RBFOX3: variants seen among roughly 807,000 people sequenced by gnomAD.
RBFOX3 encodes RNA binding protein fox-1 homolog 3.
A neutral mutation model predicts 48.7 loss-of-function variants in RBFOX3; 17 were observed. The observed-to-expected ratio is 0.35, with a 90% CI of 0.24 to 0.52. The LOEUF (loss-of-function observed/expected upper bound fraction) is 0.52. RBFOX3 is among the 20% of genes least tolerant of loss of function. The probability of loss-of-function intolerance (pLI) is 0.94; values close to 1 mark genes in which losing one functional copy is unlikely to be tolerated. For missense variants in RBFOX3, 382 were observed against 497.5 expected (o/e 0.77, Z 2.21); for synonymous variants, 212 against 209.5 (o/e 1.01, Z -0.10).
chr17:79,370,231 C>T (rs1418821238), intron 2 of RBFOX3, among the ~76,000 whole-genome samples: 2 of 152,204 alleles, frequency 1.3e-5, no homozygotes, highest in Non-Finnish European at 2.9e-5. Context: ...AGATAGATTC[C>T]CCAAGGAAGC....
At chr17:79,407,418 C>T (rs138294759) in intron 2 of RBFOX3, among the ~76,000 whole-genome samples, 2 of 152,380 alleles carry the variant, frequency 1.3e-5, no homozygotes, top group East Asian at 3.9e-4. Flanking sequence ...TTAAAAGAGG[C>T]TTCCCCTGGG....
At chr17:79,235,720 A>G (rs1056112875) in intron 4 of RBFOX3, 46 bp downstream of exon 4, 2 of 153,772 alleles carry the variant, frequency 1.3e-5, no homozygotes, top group African/African-American at 4.8e-5. Flanking sequence ...CAACATGCTC[A>G]TATCTGTCAA....
chr17:79,655,021 G>A, the RBFOX3 span, among the ~76,000 whole-genome samples: 2,202 of 152,300 alleles, frequency 0.014, 51 homozygotes, highest in African/African-American at 0.05. Flanking sequence ...CATGCCATTA[G>A]CACGAGTCTG....
intron 4 of RBFOX3, among the ~76,000 whole-genome samples, chr17:79,226,967 T>G (rs1344652352): frequency 6.6e-6 from 1 of 152,214 alleles, no homozygotes; most frequent in Non-Finnish European, 1.5e-5. Context: ...CTAAGCATTC[T>G]GGGCAGGGAC....
intron 4 of RBFOX3, among the ~76,000 whole-genome samples, chr17:79,150,138 C>T (rs1371563251): frequency 6.7e-6 from 1 of 150,050 alleles, no homozygotes; most frequent in Non-Finnish European, 1.5e-5. Context: ...GGAGGGGCAA[C>T]CAGGAGCTGC....
At chr17:79,414,302 T>C (rs1302995234) in intron 2 of RBFOX3, among the ~76,000 whole-genome samples, 1 of 152,138 alleles carries the variant, frequency 6.6e-6, no homozygotes, top group Non-Finnish European at 1.5e-5. Context: ...CTATTAAAAA[T>C]AGATTGGCCA....
At chr17:79,550,075 G>C (rs2090985500) in intron 1 of RBFOX3, among the ~76,000 whole-genome samples, 1 of 152,132 alleles carries the variant, frequency 6.6e-6, no homozygotes, top group South Asian at 2.1e-4. Flanking sequence ...TCCATTTTCT[G>C]AGGTCTACAC....
chr17:79,138,581 TGTATGGTGA>T (rs2040828191), intron 4 of RBFOX3, among the ~76,000 whole-genome samples: 6 of 150,534 alleles, frequency 4.0e-5, no homozygotes, highest in Non-Finnish European at 5.9e-5. Flanking sequence ...ACATTACACC[TGTATGGTGA>T]TGCAACCCCT....
rs929468446 is a variant in RBFOX3, at chr17:79,471,255, C to T, written c.-175+11199G>A. ...ATCGTGGCTCTCAGCTCATGGAAAG[C>T]GGGGTACGTGACCAGCACTGGCCAG... On this transcript the variant is annotated intron_variant, in intron 2 of 14. Coordinates refer to ENST00000693108, the MANE Select transcript of RBFOX3 (RefSeq NM_001350451.2). The surrounding 1 kb of genome is among the most constrained non-coding windows in gnomAD (Gnocchi z 4.0). 1.3e-5 allele frequency among the ~76,000 whole-genome samples: 2 copies of T among 152,094 alleles called. No individual in the cohort carries two copies. The highest frequency in any genetic ancestry group is 6.5e-5 in the Admixed American group (1 of 15,270).
intron 4 of RBFOX3, among the ~76,000 whole-genome samples, chr17:79,134,807 G>A (rs1002697125): frequency 6.6e-6 from 1 of 152,206 alleles, no homozygotes; most frequent in African/African-American, 2.4e-5. Flanking sequence ...AGCCACCGGT[G>A]GACACTGGCA....
intron 1 of RBFOX3, among the ~76,000 whole-genome samples, chr17:79,496,583 C>A (rs1398356976): frequency 1.3e-5 from 2 of 152,190 alleles, no homozygotes; most frequent in South Asian, 2.1e-4. Flanking sequence ...CAGGCCCTGG[C>A]GGGGCTTGGC....
At chr17:79,665,020 G>A in the RBFOX3 span, among the ~76,000 whole-genome samples, 1 of 152,162 alleles carries the variant, frequency 6.6e-6, no homozygotes, top group Non-Finnish European at 1.5e-5. Context: ...TATGGACACT[G>A]GGGTTGCTTC....
rs1477185165 is a variant in RBFOX3 at position 79,361,236 on chromosome 17, G to A, written c.-174-53412C>T. Among the ~76,000 whole-genome samples, 2 of 152,062 alleles carry A rather than the reference G, an allele frequency of 1.3e-5. No individual in the cohort carries two copies. Among genetic ancestry groups the A allele is most frequent in the African/African-American group, 4.8e-5 (2 of 41,400 alleles). On this transcript the variant is annotated intron_variant, in intron 2 of 14. Coordinates refer to ENST00000693108, the MANE Select transcript of RBFOX3 (RefSeq NM_001350451.2). This position sits in a 1 kb window ranked among gnomAD's most constrained non-coding sequence, Gnocchi z 4.5. ...TTCTCCTGGACCAATCCCATCCTCG[G>A]CTTGCCACTGCCCGACCTGGCCTCT... is the stretch of plus-strand genomic sequence containing the variant.
intron 2 of RBFOX3, among the ~76,000 whole-genome samples, chr17:79,351,899 C>A (rs1226985523): frequency 1.3e-5 from 2 of 152,170 alleles, no homozygotes; most frequent in Admixed American, 1.3e-4. Context: ...TGTTTTAAGG[C>A]CTCCTTGACA....
chr17:79,158,248 C>T (rs149364548), intron 4 of RBFOX3, among the ~76,000 whole-genome samples: 15 of 152,306 alleles, frequency 9.8e-5, no homozygotes, highest in South Asian at 2.1e-4. Flanking sequence ...TTCAGAACTG[C>T]GCGAGGAGAA....
intron 2 of RBFOX3, among the ~76,000 whole-genome samples, chr17:79,308,581 A>T (rs535952778): frequency 7.4e-4 from 113 of 152,132 alleles, no homozygotes; most frequent in Non-Finnish European, 7.3e-4. Context: ...TGAGTCTGCC[A>T]TGGTCCGAGT....
intron 4 of RBFOX3, among the ~76,000 whole-genome samples, chr17:79,164,637 T>C (rs1408032431): frequency 6.6e-6 from 1 of 152,166 alleles, no homozygotes; most frequent in Non-Finnish European, 1.5e-5. Flanking sequence ...AAAACAAAAG[T>C]GCACGCATTC....
chr17:79,380,836 A>T (rs572109485), intron 2 of RBFOX3, among the ~76,000 whole-genome samples: 15 of 151,406 alleles, frequency 9.9e-5, no homozygotes, highest in Non-Finnish European at 2.1e-4. Context: ...CTCCACGAGC[A>T]CTTCCGTATT....
At chr17:79,139,188 C>T (rs1302206960) in intron 4 of RBFOX3, among the ~76,000 whole-genome samples, 1 of 152,246 alleles carries the variant, frequency 6.6e-6, no homozygotes, top group Non-Finnish European at 1.5e-5. Context: ...TGTCCACACA[C>T]ATTCCAGTTC....
Sources: gnomAD v4.1 joint callset for allele counts (sites outside exome capture counted in the v4.1 genomes callset) on GRCh38, gnomAD v4.1.1 for gene constraint, Gnocchi (gnomAD v3.1) non-coding constraint, MANE v1.5 for transcripts, NCBI Gene and HGNC (gene_info 2026-07-23, HGNC 2026-07-21) for gene names.